Variants in MVB12B observed in about 807,000 individuals in gnomAD.
MVB12B encodes multivesicular body subunit 12B.
A neutral mutation model predicts 41.6 loss-of-function variants in MVB12B; 16 were observed. The observed-to-expected ratio is 0.38, with a 90% CI of 0.26 to 0.58. The LOEUF (loss-of-function observed/expected upper bound fraction) is 0.58, where lower values mean the gene tolerates loss of function less well. Among genes scored for constraint, MVB12B ranks in the 20% least tolerant of loss-of-function variants. The pLI, the probability that MVB12B is intolerant of heterozygous loss-of-function variation, is 0.62. For missense variants in MVB12B, 274 were observed against 380.2 expected (o/e 0.72, Z 2.32); for synonymous variants, 133 against 139.7 (o/e 0.95, Z 0.34).
Position 126,468,601 on chromosome 9 carries a change from T to C in MVB12B, c.758-12768T>C, listed in dbSNP as rs1257090252. Among the ~76,000 whole-genome samples the C allele has an allele frequency of 6.6e-6, 1 of 152,196 alleles. No individual in the cohort carries two copies. The highest frequency in any genetic ancestry group is 1.5e-5 in the Non-Finnish European group (1 of 68,034). ...CCCTTGGCCTTCCCCAGCCACTCCA[T>C]TCTTACTGCCACTGCCCTCATCCGG... On this transcript the variant is annotated intron_variant, in intron 7 of 9. Transcript: ENST00000361171. This position sits in a 1 kb window ranked among gnomAD's most constrained non-coding sequence, Gnocchi z 4.3.
intron 7 of MVB12B, among the ~76,000 whole-genome samples, chr9:126,458,642 G>C (rs1182196918): frequency 1.3e-5 from 2 of 152,184 alleles, no homozygotes; most frequent in Non-Finnish European, 2.9e-5. Flanking sequence ...GTCCCGCCTG[G>C]TTGCGACAGC....
At chr9:126,470,817 C>T (rs1484737270) in intron 7 of MVB12B, among the ~76,000 whole-genome samples, 1 of 152,178 alleles carries the variant, frequency 6.6e-6, no homozygotes, top group East Asian at 1.9e-4. Flanking sequence ...TTGGGTCTCA[C>T]AGCCCATGGA....
intron 7 of MVB12B, among the ~76,000 whole-genome samples, chr9:126,449,592 A>G (rs1281228307): frequency 6.6e-6 from 1 of 152,240 alleles, no homozygotes; most frequent in Non-Finnish European, 1.5e-5. Flanking sequence ...CTTTCTGCCC[A>G]GAGGCATAGG....
intron 6 of MVB12B, among the ~76,000 whole-genome samples, chr9:126,415,988 A>G (rs1588154062): frequency 6.6e-6 from 1 of 152,170 alleles, no homozygotes; most frequent in African/African-American, 2.4e-5. Context: ...AGGCTGGAGG[A>G]ACAAAAGCGG....
At chr9:126,361,638 A>G (rs375086105) in intron 2 of MVB12B, among the ~76,000 whole-genome samples, 21 of 152,236 alleles carry the variant, frequency 1.4e-4, no homozygotes, top group African/African-American at 4.8e-4. Flanking sequence ...ATATTCTCTC[A>G]GCTTTTGTTT....
intron 2 of MVB12B, among the ~76,000 whole-genome samples, chr9:126,351,483 CTTTTTTTTTTT>C (rs34141510): frequency 2.3e-5 from 2 of 86,298 alleles, no homozygotes; most frequent in Non-Finnish European, 4.2e-5. Context: ...GTCTTTCACT[CTTTTTTTTTTT>C]TTTTTTTTTT....
intron 7 of MVB12B, among the ~76,000 whole-genome samples, chr9:126,455,657 T>C (rs1015500820): frequency 2.6e-5 from 4 of 151,730 alleles, no homozygotes; most frequent in African/African-American, 9.7e-5. Flanking sequence ...GCTGATTTTT[T>C]TGATATTTTA....
chr9:126,465,178 G>C (rs1370501005), intron 7 of MVB12B, among the ~76,000 whole-genome samples: 1 of 152,036 alleles, frequency 6.6e-6, no homozygotes, highest in Non-Finnish European at 1.5e-5. Flanking sequence ...TTGCATCCTC[G>C]GGTTTAAATC....
chr9:126,358,593 C>T (rs1038395797), intron 2 of MVB12B, among the ~76,000 whole-genome samples: 5 of 152,170 alleles, frequency 3.3e-5, no homozygotes, highest in African/African-American at 1.2e-4. Flanking sequence ...TTTACTTTAA[C>T]TCCATTCTTG....
At chr9:126,331,062 T>C (rs529416) in intron 1 of MVB12B, among the ~76,000 whole-genome samples, 126,387 of 152,172 alleles carry the variant, frequency 0.83, 52,928 homozygotes, top group South Asian at 0.91. Context: ...AATGTTGCTC[T>C]GAACATGGGT....
In MVB12B at chr9:126,480,203, G is replaced by A. The variant is rs144474391; in HGVS notation, c.758-1166G>A. Among the ~76,000 whole-genome samples the A allele has an allele frequency of 1.3e-4, 20 of 152,254 alleles. 2 individuals are homozygous for A. The East Asian group carries it at 3.3e-3, about 25-fold the overall frequency. On this transcript the variant is annotated intron_variant, in intron 7 of 9. Coordinates refer to ENST00000361171, the MANE Select transcript of MVB12B (RefSeq NM_033446.3). The surrounding 1 kb of genome is among the most constrained non-coding windows in gnomAD (Gnocchi z 4.9). The stretch of plus-strand genomic sequence containing the variant: ...TCAGGGTGCGGCCACCCCTGACTTC[G>A]GGGCTCCGCGTCCCTGCACTCATGA...
In MVB12B at chr9:126,395,715, T is replaced by C. The variant is rs1831093643; in HGVS notation, c.662+18T>C. On this transcript the variant is annotated intron_variant, in intron 6 of 9. Transcript: ENST00000361171. This position sits in a 1 kb window ranked among gnomAD's most constrained non-coding sequence, Gnocchi z 4.9. ...CTTCCCAGGTGAGGCCTTGTCGGGG[T>C]GTCTTGCGTTGTCCTGTGGTCTTAG... 1.2e-6 allele frequency: 2 copies of C among 1,613,530 alleles called. No homozygotes were observed. The highest frequency in any genetic ancestry group is 8.5e-7 in the Non-Finnish European group (1 of 1,179,720).
At chr9:126,330,181 C>G (rs189308148) in intron 1 of MVB12B, among the ~76,000 whole-genome samples, 1 of 152,016 alleles carries the variant, frequency 6.6e-6, no homozygotes. Flanking sequence ...ATGTGAGAGC[C>G]CTGTGGGCCT....
At chr9:126,412,538 T>G (rs1831682072) in intron 6 of MVB12B, among the ~76,000 whole-genome samples, 1 of 152,230 alleles carries the variant, frequency 6.6e-6, no homozygotes, top group Non-Finnish European at 1.5e-5. Context: ...CGTGTGTCTC[T>G]TCTACTCTCC....
chr9:126,432,685 C>G (rs1039233988), intron 7 of MVB12B, among the ~76,000 whole-genome samples: 18 of 152,180 alleles, frequency 1.2e-4, no homozygotes, highest in African/African-American at 4.3e-4. Flanking sequence ...GTCTTGAGAG[C>G]TTGTGATCAG....
chr9:126,375,644 G>A (rs569268887), intron 2 of MVB12B, among the ~76,000 whole-genome samples: 117 of 152,054 alleles, frequency 7.7e-4, no homozygotes, highest in African/African-American at 2.7e-3. Context: ...TTTAATCCTC[G>A]GTTCTGCTGA....
intron 6 of MVB12B, among the ~76,000 whole-genome samples, chr9:126,418,483 A>G (rs1321788214): frequency 6.6e-6 from 1 of 152,208 alleles, no homozygotes; most frequent in Non-Finnish European, 1.5e-5. Flanking sequence ...ATAGTGAATA[A>G]TTGTAGGCTC....
chr9:126,484,402 C>G (rs1375295425), intron 9 of MVB12B, among the ~76,000 whole-genome samples: 2 of 152,184 alleles, frequency 1.3e-5, no homozygotes, highest in African/African-American at 4.8e-5. Context: ...TATTATTTGC[C>G]ACCAGGAGGG....
chr9:126,464,062 A>T (rs1314493933), intron 7 of MVB12B, among the ~76,000 whole-genome samples: 1 of 152,132 alleles, frequency 6.6e-6, no homozygotes, highest in Non-Finnish European at 1.5e-5. Flanking sequence ...TCATCTGTCT[A>T]TCACCTCATC....
Sources: allele counts gnomAD v4.1 joint callset (sites outside exome capture counted in the v4.1 genomes callset), GRCh38; gene constraint gnomAD v4.1.1; non-coding constraint Gnocchi (gnomAD v3.1); transcripts MANE v1.5; gene names NCBI Gene and HGNC (gene_info 2026-07-23, HGNC 2026-07-21).